Variants in FERMT2 observed in about 807,000 individuals in gnomAD.
The protein encoded by FERMT2 is fermitin family homolog 2.
Under a neutral mutation model 82.7 loss-of-function variants are expected in FERMT2, and 15 were observed. That is an observed-to-expected ratio of 0.18 (90% CI 0.12 to 0.28). The LOEUF is 0.28. Among genes scored for constraint, FERMT2 ranks in the 10% least tolerant of loss-of-function variants. FERMT2 has a pLI of 1.00. For synonymous variants in FERMT2, 274 were observed against 271.5 expected (o/e 1.01, Z -0.09); for missense variants, 645 against 809.4 (o/e 0.80, Z 2.46).
chr14:52,859,523 A>G (rs966184124), intron 14 of FERMT2, 50 bp downstream of exon 14: 2 of 1,471,454 alleles, frequency 1.4e-6, no homozygotes, highest in Non-Finnish European at 1.8e-6. Context: ...TTAATGTACT[A>G]ATTTGTATCA....
In FERMT2 at chr14:52,859,539, G is replaced by C. The variant is rs375267385; in HGVS notation, c.1869+34C>G. On this transcript the variant is annotated intron_variant, in intron 14 of 14. Coordinates refer to ENST00000341590, the MANE Select transcript of FERMT2 (RefSeq NM_006832.3). ...TAATGTACTAATTTGTATCAGAGAA[G>C]GACTATATTCAAGTAACATTGTTAT... is the stretch of plus-strand genomic sequence containing the variant. The C allele has an allele frequency of 7.5e-5, 116 of 1,549,286 alleles. No individual in the cohort carries two copies. The African/African-American group carries it at 1.4e-3, about 19-fold the overall frequency.
At chr14:52,878,941 C>T (rs537610227) in intron 6 of FERMT2, among the ~76,000 whole-genome samples, 1 of 152,198 alleles carries the variant, frequency 6.6e-6, no homozygotes, top group South Asian at 2.1e-4. Context: ...ATTGATTGTA[C>T]AGTATTAAAA....
chr14:52,928,836 CCTGT>C, intron 2 of FERMT2, among the ~76,000 whole-genome samples: 1 of 152,166 alleles, frequency 6.6e-6, no homozygotes, highest in Non-Finnish European at 1.5e-5. Context: ...AGATGGGCCT[CCTGT>C]CTTTGTGTTA....
chr14:52,945,395 C>T (rs1890293765), intron 2 of FERMT2, among the ~76,000 whole-genome samples: 1 of 151,744 alleles, frequency 6.6e-6, no homozygotes, highest in Non-Finnish European at 1.5e-5. Flanking sequence ...TTACAGGCGC[C>T]CGCTACCATG....
At chr14:52,877,777 C>T (rs1041213926) in intron 7 of FERMT2, among the ~76,000 whole-genome samples, 1 of 151,994 alleles carries the variant, frequency 6.6e-6, no homozygotes, top group Non-Finnish European at 1.5e-5. Flanking sequence ...AACTCTGCTT[C>T]CTGTACTTCT....
intron 3 of FERMT2, among the ~76,000 whole-genome samples, chr14:52,903,364 C>G (rs1000855866): frequency 2.6e-5 from 4 of 151,792 alleles, no homozygotes; most frequent in Non-Finnish European, 5.9e-5. Flanking sequence ...ATAGTGATAC[C>G]CCATCTCTAC....
intron 3 of FERMT2, among the ~76,000 whole-genome samples, chr14:52,911,701 G>A: frequency 6.6e-6 from 1 of 150,460 alleles, no homozygotes; most frequent in Non-Finnish European, 1.5e-5. Context: ...TGCCAACACA[G>A]TTTAATCACT....
chr14:52,892,166 G>GGT (rs1269194279), intron 4 of FERMT2, among the ~76,000 whole-genome samples: 2 of 128,830 alleles, frequency 1.6e-5, no homozygotes, highest in African/African-American at 5.8e-5. Flanking sequence ...GCTGTTTTTT[G>GGT]TTTTTTTTTT....
At chr14:52,931,327 T>C (rs970893667) in intron 2 of FERMT2, among the ~76,000 whole-genome samples, 4 of 152,356 alleles carry the variant, frequency 2.6e-5, no homozygotes, top group African/African-American at 7.2e-5. Context: ...TAGGTTAACA[T>C]GGCATTTTTA....
intron 2 of FERMT2, among the ~76,000 whole-genome samples, chr14:52,946,871 C>G (rs1462527924): frequency 6.6e-6 from 1 of 151,990 alleles, no homozygotes; most frequent in Admixed American, 6.5e-5. Context: ...TGGGGTTTCT[C>G]CATGTTGGTC....
At chr14:52,919,480 G>A in intron 2 of FERMT2, 124 bp from the exon 3 acceptor site, 1 of 660,434 alleles carries the variant, frequency 1.5e-6, no homozygotes, top group Non-Finnish European at 2.6e-6. Context: ...TTACTGTTAT[G>A]TGACAGGTAC....
intron 11 of FERMT2, 62 bp from the exon 12 acceptor site, chr14:52,864,684 T>C (rs1448417940): frequency 6.3e-7 from 1 of 1,575,668 alleles, no homozygotes; most frequent in Non-Finnish European, 8.7e-7. Context: ...AAGTATAAAA[T>C]ATAAGGATGA....
At chr14:52,859,476 T>C in intron 14 of FERMT2, 97 bp downstream of exon 14, 3 of 1,145,174 alleles carry the variant, frequency 2.6e-6, no homozygotes, top group Non-Finnish European at 3.5e-6. Flanking sequence ...GAGGTGGTGG[T>C]ACAAATAATC....
rs5808693 is a variant in FERMT2 at position 52,868,215 on chromosome 14, AT to A, written c.1274-3363del. Among the ~76,000 whole-genome samples the A allele has an allele frequency of 6.2e-3, 895 of 143,598 alleles. 7 individuals are homozygous for A. Among genetic ancestry groups the A allele is most frequent in the African/African-American group, 0.02 (779 of 38,850 alleles). The allele number at this position is 143,598 out of a possible 152,430, so 94.2% of individuals were successfully genotyped here. On this transcript the variant is annotated intron_variant, in intron 10 of 14. Transcript: ENST00000341590. ...TCCAGCAGCACAAAACTCTCTAGGC[AT>A]TTTTTTTTTTTTTGAGATGGGGTCT... is the stretch of plus-strand genomic sequence containing the variant.
Position 52,866,477 on chromosome 14 carries a change from A to T in FERMT2, c.1274-1624T>A, listed in dbSNP as rs546450404. On this transcript the variant is annotated intron_variant, in intron 10 of 14. Coordinates refer to ENST00000341590, the MANE Select transcript of FERMT2 (RefSeq NM_006832.3). ...ACATCAACTCCAACTGCCGAGACTC[A>T]CTGTCTTCACATTATACATTCTCCT... 1.4e-4 allele frequency among the ~76,000 whole-genome samples: 22 copies of T among 152,292 alleles called. No homozygotes were observed. The South Asian group carries it at 4.4e-3, about 30-fold the overall frequency.
At chr14:52,933,199 AC>A (rs767667197) in intron 2 of FERMT2, among the ~76,000 whole-genome samples, 3 of 152,176 alleles carry the variant, frequency 2.0e-5, no homozygotes, top group Non-Finnish European at 2.9e-5. Context: ...GTTATATTTT[AC>A]TTTTTCCTCT....
chr14:52,934,927 T>C (rs868128153), intron 2 of FERMT2, among the ~76,000 whole-genome samples: 4 of 152,354 alleles, frequency 2.6e-5, no homozygotes, highest in Middle Eastern at 3.4e-3. Flanking sequence ...CAATCACAGA[T>C]AGACTTTGAA....
intron 2 of FERMT2, among the ~76,000 whole-genome samples, chr14:52,922,642 A>G (rs1566752530): frequency 1.3e-5 from 2 of 152,228 alleles, no homozygotes; most frequent in Non-Finnish European, 2.9e-5. Flanking sequence ...ACATATGGAC[A>G]CTAATAAAGA....
chr14:52,862,698 A>C (rs1175873877), intron 12 of FERMT2: 1 of 152,160 alleles, frequency 6.6e-6, no homozygotes, highest in Admixed American at 6.5e-5. Flanking sequence ...ACACCAAAAA[A>C]TCTAACCTAT....
Sources: allele counts gnomAD v4.1 joint callset (sites outside exome capture counted in the v4.1 genomes callset), GRCh38; gene constraint gnomAD v4.1.1; transcripts MANE v1.5; gene names NCBI Gene and HGNC (gene_info 2026-07-23, HGNC 2026-07-21).